Variants in THSD4 observed in about 807,000 individuals in gnomAD.
The protein encoded by THSD4 is thrombospondin type-1 domain-containing protein 4.
THSD4 carries 69 observed loss-of-function variants against 119.0 expected under a neutral mutation model. The ratio of observed to expected loss-of-function variants is 0.58; its 90% confidence interval spans 0.48 to 0.71. The LOEUF (loss-of-function observed/expected upper bound fraction) is 0.71, where lower values mean the gene tolerates loss of function less well. THSD4 is among the 30% of genes least tolerant of loss of function. The pLI is 0.00. For missense variants in THSD4, 1,393 were observed against 1,391.1 expected, an observed-to-expected ratio of 1.00 and a Z score of -0.02; for synonymous variants, 524 against 540.4, an observed-to-expected ratio of 0.97 and a Z score of 0.42.
Position 71,237,625 on chromosome 15 carries a change from C to T in THSD4, c.465-5024C>T, listed in dbSNP as rs76007101. ...AAGCAGAAGCTGGATTTTAGTGAGA[C>T]CCCCGGGTGACTTATGTGCACTTTT... On this transcript the variant is annotated intron_variant, in intron 4 of 17. Coordinates refer to ENST00000261862, the MANE Select transcript of THSD4 (RefSeq NM_024817.3). Among the ~76,000 whole-genome samples the T allele has an allele frequency of 2.3e-3, 352 of 152,174 alleles. 15 individuals are homozygous for T. The East Asian group carries it at 0.064, about 28-fold the overall frequency.
intron 2 of THSD4, 21 bp from the exon 3 acceptor site, chr15:71,154,842 G>A: frequency 6.2e-7 from 1 of 1,613,776 alleles, no homozygotes; most frequent in African/African-American, 1.3e-5. Context: ...CATCCTGCCT[G>A]TTGCTATTTT....
chr15:71,373,098 G>A (rs889414844), intron 6 of THSD4, among the ~76,000 whole-genome samples: 5 of 152,192 alleles, frequency 3.3e-5, no homozygotes, highest in African/African-American at 9.7e-5. Context: ...TATTCAGATA[G>A]CATTAGGGTT....
At chr15:71,302,850 G>T (rs1030207489) in intron 6 of THSD4, among the ~76,000 whole-genome samples, 1 of 151,928 alleles carries the variant, frequency 6.6e-6, no homozygotes, top group East Asian at 1.9e-4. Context: ...TGCACCTGCC[G>T]CCGCCTCATT....
chr15:71,641,056 G>A (rs1013132011), intron 7 of THSD4, among the ~76,000 whole-genome samples: 1 of 151,808 alleles, frequency 6.6e-6, no homozygotes, highest in Non-Finnish European at 1.5e-5. Context: ...AATGACTCCG[G>A]TGGTGAAGAG....
rs562033907 is a variant in THSD4 at position 71,684,308 on chromosome 15, C to G, written c.1357+23574C>G. On this transcript the variant is annotated intron_variant, in intron 8 of 17. Transcript: ENST00000261862. ...TCGTTTTCTAGTGATATAATCATAC[C>G]ATATAGAAATAATTATAATATTGCC... Among the ~76,000 whole-genome samples, 155 of 151,934 alleles carry G rather than the reference C, an allele frequency of 1.0e-3. 1 individual carries two copies. The highest frequency in any genetic ancestry group is 3.6e-3 in the African/African-American group (151 of 41,438).
intron 7 of THSD4, among the ~76,000 whole-genome samples, chr15:71,431,681 G>T (rs1251696556): frequency 6.6e-6 from 1 of 151,884 alleles, no homozygotes; most frequent in Non-Finnish European, 1.5e-5. Flanking sequence ...CAGAAACGTG[G>T]TCTTGGGTGG....
At chr15:71,393,522 G>A (rs1207692220) in intron 6 of THSD4, among the ~76,000 whole-genome samples, 1 of 152,102 alleles carries the variant, frequency 6.6e-6, no homozygotes, top group South Asian at 2.1e-4. Context: ...TCTGGTTGGT[G>A]GAATCAGCCC....
intron 6 of THSD4, among the ~76,000 whole-genome samples, chr15:71,371,622 C>T (rs899131752): frequency 6.6e-6 from 1 of 152,202 alleles, no homozygotes; most frequent in African/African-American, 2.4e-5. Flanking sequence ...TGACTTCTGG[C>T]TTGTAGAGTT....
At chr15:71,453,095 G>C (rs147835749) in intron 7 of THSD4, among the ~76,000 whole-genome samples, 23 of 152,334 alleles carry the variant, frequency 1.5e-4, no homozygotes, top group Middle Eastern at 3.4e-3. Flanking sequence ...AGCCTCACGA[G>C]AGCCCAACCC....
At chr15:71,454,754 C>T (rs2047314060) in intron 7 of THSD4, among the ~76,000 whole-genome samples, 1 of 152,216 alleles carries the variant, frequency 6.6e-6, no homozygotes, top group Non-Finnish European at 1.5e-5. Flanking sequence ...GTTTCCCTCC[C>T]TTTGCAATCT....
At chr15:71,367,458 G>C (rs563221932) in intron 6 of THSD4, among the ~76,000 whole-genome samples, 2 of 151,980 alleles carry the variant, frequency 1.3e-5, no homozygotes, top group East Asian at 3.9e-4. Flanking sequence ...GACAGGCCCC[G>C]GTGTGTGATG....
At chr15:71,168,676 G>A (rs993185119) in intron 3 of THSD4, among the ~76,000 whole-genome samples, 1 of 152,188 alleles carries the variant, frequency 6.6e-6, no homozygotes, top group South Asian at 2.1e-4. Context: ...AGAGGACCTC[G>A]TGATGGGTTA....
At chr15:71,366,608 C>T (rs1596371005) in intron 6 of THSD4, among the ~76,000 whole-genome samples, 2 of 152,166 alleles carry the variant, frequency 1.3e-5, no homozygotes, top group Non-Finnish European at 2.9e-5. Flanking sequence ...TGGGCCCTCT[C>T]AGTTGGGGTC....
chr15:71,388,661 A>AGTGTGTGTGTGTGTGTGTGTGTGTGTGT (rs748438115), intron 6 of THSD4, among the ~76,000 whole-genome samples: 6 of 141,990 alleles, frequency 4.2e-5, no homozygotes, highest in African/African-American at 1.5e-4. Flanking sequence ...TTCTTTGGAG[A>AGTGTGTGTGTGTGTGTGTGTGTGTGTGT]GAGTGTGTGT....
At chr15:71,234,454 A>G (rs944242775) in intron 4 of THSD4, among the ~76,000 whole-genome samples, 1 of 152,082 alleles carries the variant, frequency 6.6e-6, no homozygotes, top group Non-Finnish European at 1.5e-5. Context: ...ACAGGCATAT[A>G]CCCACCACGC....
chr15:71,229,541 G>A (rs1208925428), intron 4 of THSD4, among the ~76,000 whole-genome samples: 2 of 152,152 alleles, frequency 1.3e-5, no homozygotes, highest in Non-Finnish European at 2.9e-5. Flanking sequence ...TAGTTGTACT[G>A]TATTGTTTAG....
intron 7 of THSD4, among the ~76,000 whole-genome samples, chr15:71,579,333 G>A (rs780077920): frequency 6.6e-6 from 1 of 152,164 alleles, no homozygotes; most frequent in Middle Eastern, 3.2e-3. Flanking sequence ...GCATTACCGA[G>A]AGCCAGAATG....
rs71154789 is a variant in THSD4, at chr15:71,584,262, CTTTTT to C, written c.1153-76249_1153-76245del. Reference sequence around the variant, plus strand: ...TCACGTGGATTTTTTTTTTCACTTTCTTTTTTTTTTTTTTTTTTTTTTTGAGACAA... The same window carrying C: ...TCACGTGGATTTTTTTTTTCACTTTCTTTTTTTTTTTTTTTTTTGAGACAA... On this transcript the variant is annotated intron_variant, in intron 7 of 17. Coordinates refer to ENST00000261862, the MANE Select transcript of THSD4 (RefSeq NM_024817.3). 1.1e-3 allele frequency among the ~76,000 whole-genome samples: 71 copies of C among 61,824 alleles called. 1 individual carries two copies. In the East Asian group the frequency reaches 0.032, roughly 28 times the overall value. 40.6% of individuals were successfully genotyped at this position (61,824 alleles called of 152,430 possible).
At chr15:71,336,383 T>C (rs904992665) in intron 6 of THSD4, among the ~76,000 whole-genome samples, 1 of 152,244 alleles carries the variant, frequency 6.6e-6, no homozygotes, top group Non-Finnish European at 1.5e-5. Context: ...ATTCAAGTTA[T>C]AGAAAAGTTA....
Sources: gnomAD v4.1 joint callset for allele counts (sites outside exome capture counted in the v4.1 genomes callset) on GRCh38, gnomAD v4.1.1 for gene constraint, MANE v1.5 for transcripts, NCBI Gene and HGNC (gene_info 2026-07-23, HGNC 2026-07-21) for gene names.